BCAT1: variants seen among roughly 807,000 people sequenced by gnomAD.
BCAT1 encodes the protein branched-chain-amino-acid aminotransferase, cytosolic.
Under a neutral mutation model 52.4 loss-of-function variants are expected in BCAT1, and 48 were observed. That is an observed-to-expected ratio of 0.92 (90% CI 0.73 to 1.16). The LOEUF (loss-of-function observed/expected upper bound fraction) is 1.16, where lower values mean the gene tolerates loss of function less well. Among genes scored for constraint, BCAT1 ranks in the 50% most tolerant of loss-of-function variants. The pLI, the probability that BCAT1 is intolerant of heterozygous loss-of-function variation, is 0.00. For missense variants in BCAT1, 451 were observed against 457.1 expected (o/e 0.99, Z 0.12); for synonymous variants, 167 against 161.3 (o/e 1.04, Z -0.27).
At chr12:24,827,908 T>A (rs1940477635) in intron 10 of BCAT1, among the ~76,000 whole-genome samples, 1 of 120,280 alleles carries the variant, frequency 8.3e-6, no homozygotes, top group South Asian at 2.4e-4. Flanking sequence ...TTTTAAACTT[T>A]TATTTTTATT....
intron 8 of BCAT1, among the ~76,000 whole-genome samples, chr12:24,835,595 A>ATTTATTTATTTATTT (rs879684901): frequency 7.0e-6 from 1 of 143,456 alleles, no homozygotes; most frequent in Non-Finnish European, 1.5e-5. Flanking sequence ...TTATTTATTT[A>ATTTATTTATTTATTT]ATTTACTTTT....
At chr12:24,828,922 G>A (rs7961778) in intron 10 of BCAT1, among the ~76,000 whole-genome samples, 87,043 of 151,710 alleles carry the variant, frequency 0.57, 25,362 homozygotes, top group East Asian at 0.83. Context: ...CAGAAGAATC[G>A]CTTGAACCCA....
intron 5 of BCAT1, among the ~76,000 whole-genome samples, chr12:24,863,063 A>G (rs1260497551): frequency 6.6e-6 from 1 of 152,358 alleles, no homozygotes; most frequent in East Asian, 1.9e-4. Context: ...AAGAAAAAAG[A>G]TGGTATAAAT....
intron 6 of BCAT1, among the ~76,000 whole-genome samples, chr12:24,842,824 C>G (rs972572983): frequency 2.6e-5 from 4 of 152,138 alleles, no homozygotes; most frequent in African/African-American, 7.2e-5. Flanking sequence ...TTTTTCTCAG[C>G]CTGCACCATT....
intron 5 of BCAT1, among the ~76,000 whole-genome samples, chr12:24,866,409 T>C (rs1339245650): frequency 6.6e-6 from 1 of 152,188 alleles, no homozygotes; most frequent in East Asian, 1.9e-4. Flanking sequence ...CTGTGCGGCC[T>C]GAGTCTCCCT....
chr12:24,941,833 TG>T (rs983662588), intron 1 of BCAT1, among the ~76,000 whole-genome samples: 2 of 152,200 alleles, frequency 1.3e-5, no homozygotes, highest in Admixed American at 1.3e-4. Context: ...ACAAGGTGTC[TG>T]GGGAGTGGGC....
intron 7 of BCAT1, among the ~76,000 whole-genome samples, chr12:24,836,938 G>GAA (rs1189086104): frequency 9.7e-6 from 1 of 103,530 alleles, no homozygotes; most frequent in African/African-American, 3.4e-5. Context: ...AAGAAAGAAA[G>GAA]AAAGAAAGAA....
At chr12:24,843,472 G>A (rs185108871) in intron 6 of BCAT1, among the ~76,000 whole-genome samples, 63 of 152,158 alleles carry the variant, frequency 4.1e-4, no homozygotes, top group Non-Finnish European at 5.3e-4. Flanking sequence ...GCGTGGTGGC[G>A]GGTGCCTATA....
chr12:24,888,799 A>G (rs1409564580), intron 3 of BCAT1, among the ~76,000 whole-genome samples: 1 of 152,188 alleles, frequency 6.6e-6, no homozygotes, highest in Non-Finnish European at 1.5e-5. Flanking sequence ...TTTTTGTTTT[A>G]ATGAAAAGCA....
intron 3 of BCAT1, among the ~76,000 whole-genome samples, chr12:24,890,602 G>A (rs899300733): frequency 2.6e-5 from 4 of 152,072 alleles, no homozygotes; most frequent in East Asian, 3.8e-4. Context: ...CCAGTGTCAC[G>A]ACAATTTACA....
intron 5 of BCAT1, among the ~76,000 whole-genome samples, chr12:24,874,580 T>TA (rs1942275479): frequency 6.6e-6 from 1 of 152,214 alleles, no homozygotes; most frequent in Non-Finnish European, 1.5e-5. Context: ...TTGGTGCCAT[T>TA]AAAAGTTCAG....
At chr12:24,919,790 A>G (rs1407310937) in intron 1 of BCAT1, among the ~76,000 whole-genome samples, 3 of 152,306 alleles carry the variant, frequency 2.0e-5, no homozygotes, top group Admixed American at 2.0e-4. Flanking sequence ...GAGGGACCCA[A>G]TGGAAGATAA....
At chr12:24,855,445 A>G (rs1023823538) in intron 5 of BCAT1, among the ~76,000 whole-genome samples, 8 of 152,102 alleles carry the variant, frequency 5.3e-5, no homozygotes, top group South Asian at 2.1e-4. Context: ...CAGTGGCGCA[A>G]TCTTGGCTCA....
At chr12:24,848,540 G>A (rs1334973950) in intron 6 of BCAT1, among the ~76,000 whole-genome samples, 2 of 152,162 alleles carry the variant, frequency 1.3e-5, no homozygotes, top group Non-Finnish European at 2.9e-5. Flanking sequence ...TCCTAAACAG[G>A]TCGGGGAGCT....
intron 5 of BCAT1, among the ~76,000 whole-genome samples, chr12:24,868,249 T>G (rs1156892370): frequency 6.6e-5 from 10 of 152,210 alleles, no homozygotes; most frequent in Non-Finnish European, 4.4e-5. Flanking sequence ...TAAAATAATG[T>G]TACATCTTGT....
chr12:24,870,219 A>G (rs1432102992), intron 5 of BCAT1, among the ~76,000 whole-genome samples: 2 of 152,198 alleles, frequency 1.3e-5, no homozygotes, highest in African/African-American at 4.8e-5. Flanking sequence ...TAAACTTAGA[A>G]GCATTGTAAT....
intron 1 of BCAT1, among the ~76,000 whole-genome samples, chr12:24,941,425 T>C (rs1428784952): frequency 6.6e-6 from 1 of 152,250 alleles, no homozygotes; most frequent in African/African-American, 2.4e-5. Flanking sequence ...CTCTGTCTTT[T>C]GGAAGTCAAT....
intron 3 of BCAT1, among the ~76,000 whole-genome samples, chr12:24,882,792 G>A (rs974119541): frequency 6.6e-6 from 1 of 151,794 alleles, no homozygotes; most frequent in Non-Finnish European, 1.5e-5. Context: ...GTAGAGACGA[G>A]GTTTTGCCAT....
In BCAT1 at chr12:24,811,868, C is replaced by T. The variant is rs1182436505; in HGVS notation, c.*6140G>A. ...ACAATTTCATAATTAAGTTGATATT[C>T]TGTTTCTATCTATAAGCTCACATTT... is the stretch of plus-strand genomic sequence containing the variant. On this transcript the variant is annotated 3_prime_UTR_variant, in exon 11 of 11. Transcript: ENST00000261192. The T allele has an allele frequency of 6.6e-6, 1 of 151,644 alleles. No individual in the cohort carries two copies. The highest frequency in any genetic ancestry group is 6.6e-5 in the Admixed American group (1 of 15,244). 9.4% of individuals were successfully genotyped at this position (151,644 alleles called of 1,614,324 possible).
Sources: gnomAD v4.1 joint callset for allele counts (sites outside exome capture counted in the v4.1 genomes callset) on GRCh38, gnomAD v4.1.1 for gene constraint, MANE v1.5 for transcripts, NCBI Gene and HGNC (gene_info 2026-07-23, HGNC 2026-07-21) for gene names.